The following ATP8B3 variants were observed in gnomAD, a reference collection of about 807,000 sequenced individuals.
ATP8B3 encodes the protein phospholipid-transporting ATPase IK.
A neutral mutation model predicts 140.9 loss-of-function variants in ATP8B3; 141 were observed. The ratio of observed to expected loss-of-function variants is 1.00; its 90% confidence interval spans 0.87 to 1.15. ATP8B3 has a LOEUF of 1.15. Ranked by LOEUF, ATP8B3 falls within the 50% of genes most tolerant of loss-of-function variation. The pLI is 0.00. For synonymous variants in ATP8B3, 765 were observed against 714.6 expected, an observed-to-expected ratio of 1.07 and a Z score of -1.13; for missense variants, 1,874 against 1,740.6, an observed-to-expected ratio of 1.08 and a Z score of -1.36.
intron 21 of ATP8B3, 21 bp from the exon 22 acceptor site, chr19:1,790,010 C>A (rs757297274): frequency 8.9e-7 from 1 of 1,117,950 alleles, no homozygotes; most frequent in Non-Finnish European, 1.4e-6. Flanking sequence ...CAGGGGTCAG[C>A]GGGGCAGGGG....
In ATP8B3 at chr19:1,792,218, C is replaced by T. The variant is rs554480661; in HGVS notation, c.2056-83G>A. On this transcript the variant is annotated intron_variant, in intron 18 of 28. Transcript: ENST00000310127. The stretch of plus-strand genomic sequence containing the variant: ...CCCTCCCCAACCCCCTGCCGGGCTC[C>T]GGAGCCTGGGTCCCCCAACCAAAAG... 27 of 1,433,194 alleles carry T rather than the reference C, an allele frequency of 1.9e-5. No individual in the cohort carries two copies. The East Asian group carries it at 2.0e-4, about 11-fold the overall frequency. 88.8% of individuals were successfully genotyped at this position (1,433,194 alleles called of 1,614,324 possible). A position where few individuals can be genotyped will look rare whatever the true frequency, so the allele number is the denominator to read the frequency against.
chr19:1,791,784 G>A lies in ATP8B3; in HGVS notation c.2268C>T (p.Asn756=). Residue 756 remains asparagine (N), a synonymous_variant, in exon 20 of 29, where the codon AAC becomes AAT. Coordinates refer to ENST00000310127, the MANE Select transcript of ATP8B3 (RefSeq NM_138813.4). ...PETIKCLKKS[N]IKIWVLTGDK... ...CCCCGGTGAGCACCCATATTTTGAT[G>A]TTGCTCTTCTTGAGACATTTGATGG... The A allele has an allele frequency of 6.2e-7, 1 of 1,611,862 alleles. No individual in the cohort carries two copies. Among genetic ancestry groups the A allele is most frequent in the Non-Finnish European group, 8.5e-7 (1 of 1,179,790 alleles).
rs1429451203 is a variant in ATP8B3, at chr19:1,796,846, C to T, written c.1618G>A (p.Gly540Arg). 14 of 1,612,192 alleles carry T rather than the reference C, an allele frequency of 8.7e-6. No homozygotes were observed. The highest frequency in any genetic ancestry group is 3.3e-5 in the Admixed American group (2 of 59,940). Residue 540 changes from glycine (G) to arginine (R), a missense_variant, in exon 16 of 29, where the codon GGG (glycine) becomes AGG (arginine). Gly to Arg is a moderately radical substitution (Grantham distance 125). Around this residue, in one of 3 missense-constraint regions of ATP8B3, gnomAD observed 1,032 missense variants for 963.6 expected, o/e 1.07. Transcript: ENST00000310127. ...NPYLWNKFAD[G>R]KLLFHNAALL... ...GCCGCATTGTGGAAGAGCAGCTTCC[C>T]GTCGGCGAACTTGTTCCAGAGGTAG...
At position 1,785,655 on chromosome 19, in the gene ATP8B3, C is replaced by A; in HGVS notation, c.3207G>T (p.Gln1069His). 1 of 1,613,146 alleles carries A rather than the reference C, an allele frequency of 6.2e-7. No individual in the cohort carries two copies. Among genetic ancestry groups the A allele is most frequent in the South Asian group, 1.1e-5 (1 of 91,042 alleles). ...LEKPELYVVG[Q>H]KDELFNYWVF... Reference sequence around the variant, plus strand: ...CCCAGTAGTTGAAGAGCTCGTCCTTCTGCCCCACCACGTACAGCTCCGGCT... The same window carrying A: ...CCCAGTAGTTGAAGAGCTCGTCCTTATGCCCCACCACGTACAGCTCCGGCT... The change falls in exon 26 of 29, where the codon CAG becomes CAT. Residue 1069 changes from glutamine to histidine, a missense_variant. This residue lies in a region of ATP8B3 where 840 missense variants were observed against 760.9 expected (regional missense o/e 1.10). Coordinates refer to ENST00000310127, the MANE Select transcript of ATP8B3 (RefSeq NM_138813.4).
Position 1,802,647 on chromosome 19 carries a change from T to G in ATP8B3, c.905-2A>C, listed in dbSNP as rs2068892263. 1 of 1,607,644 alleles carries G rather than the reference T, an allele frequency of 6.2e-7. No homozygotes were observed. The highest frequency in any genetic ancestry group is 8.5e-7 in the Non-Finnish European group (1 of 1,177,838). On this transcript the variant is annotated splice_acceptor_variant, in intron 10 of 28. Transcript: ENST00000310127. LOFTEE classifies it high-confidence loss of function. The stretch of plus-strand genomic sequence containing the variant: ...TAGGCGCCTCACACGTCACTGTGCC[T>G]GTGGGTGGCCAGGTGGTCAGTGGGT...
rs201818078 is a variant in ATP8B3, at chr19:1,789,422, C to T, written c.2784G>A (p.Lys928=). Reference sequence around the variant, plus strand: ...TGGCCAGGGTCACCACCTGGTGGTACTTCTTGACCAGGGCCACGATCAGGG... The same window carrying T: ...TGGCCAGGGTCACCACCTGGTGGTATTTCTTGACCAGGGCCACGATCAGGG... ...QKALIVALVK[K]YHQVVTLAIG... Residue 928 remains lysine (K), a synonymous_variant, in exon 23 of 29, where the codon AAG becomes AAA. Transcript: ENST00000310127. 1.2e-3 allele frequency: 1,942 copies of T among 1,598,022 alleles called. 26 individuals carry two copies. In the African/African-American group the frequency reaches 0.023, roughly 19 times the overall value.
chr19:1,796,794 C>A lies in ATP8B3; in HGVS notation c.1670G>T (p.Gly557Val). Reference sequence around the variant, plus strand: ...CCAGAACTCCCGCACGGCCTCGTCCCCGTTGGTCCGCACGAGGTGCAGCAG... The same window carrying A: ...CCAGAACTCCCGCACGGCCTCGTCCACGTTGGTCCGCACGAGGTGCAGCAG... The part of the protein sequence containing the change: ...AALLHLVRTN[G>V]DEAVREFWRL... The change falls in exon 16 of 29, where the codon GGG (glycine) becomes GTG (valine). Residue 557 changes from glycine to valine, a missense_variant. Gly to Val is a moderately radical substitution (Grantham distance 109). Coordinates refer to ENST00000310127, the MANE Select transcript of ATP8B3 (RefSeq NM_138813.4). The A allele has an allele frequency of 6.2e-7, 1 of 1,612,570 alleles. No homozygotes were observed. Among genetic ancestry groups the A allele is most frequent in the South Asian group, 1.1e-5 (1 of 91,070 alleles).
chr19:1,800,469 G>A lies in ATP8B3; in HGVS notation c.1153-20C>T. On this transcript the variant is annotated intron_variant, in intron 12 of 28. Transcript: ENST00000310127. The surrounding 1 kb of genome is among the most constrained non-coding windows in gnomAD (Gnocchi z 4.4). ...GAAGATCTGGAAGGCAGACGCGACA[G>A]GGTGGGTGAGGGGGGCGGGGGTCCC... 6 of 1,593,694 alleles carry A rather than the reference G, an allele frequency of 3.8e-6. No individual in the cohort carries two copies. Among genetic ancestry groups the A allele is most frequent in the Non-Finnish European group, 5.1e-6 (6 of 1,166,002 alleles).
chr19:1,789,789 C>A, intron 22 of ATP8B3, 62 bp from the exon 23 acceptor site: 1 of 1,563,804 alleles, frequency 6.4e-7, no homozygotes. Context: ...TGGACCCTAC[C>A]CGGCCCTCGG....
Position 1,785,686 on chromosome 19 carries a change from A to G in ATP8B3, c.3176T>C (p.Leu1059Pro), listed in dbSNP as rs2068284053. Residue 1059 changes from leucine to proline, a missense_variant, in exon 26 of 29, where the codon CTG becomes CCG. Coordinates refer to ENST00000310127, the MANE Select transcript of ATP8B3 (RefSeq NM_138813.4). The stretch of plus-strand genomic sequence containing the variant: ...CACCACGTACAGCTCCGGCTTCTCC[A>G]GGCTCTGCTCTGCGCTCACGTCCTT... ...FEQDVSAEQS[L>P]EKPELYVVGQ... The G allele has an allele frequency of 6.9e-7, 1 of 1,454,140 alleles. No homozygotes were observed. Among genetic ancestry groups the G allele is most frequent in the South Asian group, 1.1e-5 (1 of 88,704 alleles). The allele number at this position is 1,454,140 out of a possible 1,614,324, so 90.1% of individuals were successfully genotyped here.
intron 18 of ATP8B3, among the ~76,000 whole-genome samples, chr19:1,795,123 C>A (rs905434187): frequency 6.6e-6 from 1 of 151,888 alleles, no homozygotes; most frequent in Non-Finnish European, 1.5e-5. Context: ...GGCGTGGTGG[C>A]GGGCGCCTGT....
rs1432719241 is a variant in ATP8B3 at position 1,806,008 on chromosome 19, G to GGGGGTGCGGCAGCCCTCCCCACCCTGGGA, written c.750+60_751-51dup. On this transcript the variant is annotated intron_variant, in intron 8 of 28. Transcript: ENST00000310127. The surrounding 1 kb of genome is among the most constrained non-coding windows in gnomAD (Gnocchi z 5.6). ...TGCAAGAGGGGATGCAAGACAAATT[G>GGGGGTGCGGCAGCCCTCCCCACCCTGGGA]GGGGTGCGGCAGCCCTCCCCACCCT... 2.6e-5 allele frequency: 42 copies of GGGGGTGCGGCAGCCCTCCCCACCCTGGGA among 1,609,972 alleles called. No homozygotes were observed. Among genetic ancestry groups the GGGGGTGCGGCAGCCCTCCCCACCCTGGGA allele is most frequent in the Admixed American group, 1.0e-4 (6 of 59,848 alleles).
chr19:1,784,317 C>G (rs1600382083), intron 28 of ATP8B3, among the ~76,000 whole-genome samples: 1 of 152,148 alleles, frequency 6.6e-6, no homozygotes, highest in East Asian at 1.9e-4. Context: ...GAGTTTGAAC[C>G]AGCCTGGGCA....
At position 1,807,245 on chromosome 19, in the gene ATP8B3, G is replaced by C; in HGVS notation, c.538C>G (p.Leu180Val). 6.2e-7 allele frequency: 1 copy of C among 1,612,778 alleles called. No individual in the cohort carries two copies. Among genetic ancestry groups the C allele is most frequent in the Non-Finnish European group, 8.5e-7 (1 of 1,179,662 alleles). The change falls in exon 6 of 29, where the codon CTG (leucine) becomes GTG (valine). Residue 180 changes from leucine to valine, a missense_variant. By Grantham distance (32) the Leu-to-Val change is conservative. Coordinates refer to ENST00000310127, the MANE Select transcript of ATP8B3 (RefSeq NM_138813.4). This position sits in a 1 kb window ranked among gnomAD's most constrained non-coding sequence, Gnocchi z 5.9. The part of the protein sequence containing the change: ...ILQSIPDIST[L>V]PWFSLSTPMV... ...GGGGTACTGAGCGAGAACCAGGGCA[G>C]CGTGGAGATGTCGGGAATGCTCTGA...
At position 1,806,812 on chromosome 19, in the gene ATP8B3, C is replaced by T. The variant is rs1006970028; in HGVS notation, c.616-123G>A. 4.9e-5 allele frequency: 53 copies of T among 1,085,366 alleles called. No homozygotes were observed. Among genetic ancestry groups the T allele is most frequent in the East Asian group, 7.8e-5 (3 of 38,512 alleles). 67.2% of individuals were successfully genotyped at this position (1,085,366 alleles called of 1,614,324 possible). On this transcript the variant is annotated intron_variant, in intron 6 of 28. Transcript: ENST00000310127. The surrounding 1 kb of genome is among the most constrained non-coding windows in gnomAD (Gnocchi z 5.6). ...ACGGGGTCCCTGTCCGCTGGCCCCACGCCACGTTGCGTCTGCTCAGGGATC... is the reference window on the plus strand; with the variant it reads ...ACGGGGTCCCTGTCCGCTGGCCCCATGCCACGTTGCGTCTGCTCAGGGATC...
chr19:1,806,340 C>A lies in ATP8B3; in HGVS notation c.678-171G>T. On this transcript the variant is annotated intron_variant, in intron 7 of 28. Transcript: ENST00000310127. This position sits in a 1 kb window ranked among gnomAD's most constrained non-coding sequence, Gnocchi z 5.6. ...TCCCACCCCACTCCCCGCGGGTCCA[C>A]GCTCCCACCCAGTGACCTCCAGGGT... 3 of 1,461,622 alleles carry A rather than the reference C, an allele frequency of 2.1e-6. No individual in the cohort carries two copies. The highest frequency in any genetic ancestry group is 2.7e-6 in the Non-Finnish European group (3 of 1,112,764). 90.5% of individuals were successfully genotyped at this position (1,461,622 alleles called of 1,614,324 possible).
At chr19:1,793,491 C>T (rs2068578248) in intron 18 of ATP8B3, among the ~76,000 whole-genome samples, 1 of 152,190 alleles carries the variant, frequency 6.6e-6, no homozygotes, top group South Asian at 2.1e-4. Flanking sequence ...AGTCCCAGGC[C>T]CCTCCCTCTG....
In ATP8B3 at chr19:1,808,349, C is replaced by A. The variant is rs776388980; in HGVS notation, c.403-14G>T. 1 of 1,600,290 alleles carries A rather than the reference C, an allele frequency of 6.2e-7. No homozygotes were observed. The highest frequency in any genetic ancestry group is 1.1e-5 in the South Asian group (1 of 89,944). On this transcript the variant is annotated splice_polypyrimidine_tract_variant and intron_variant, in intron 4 of 28. Coordinates refer to ENST00000310127, the MANE Select transcript of ATP8B3 (RefSeq NM_138813.4). ...GATGACATTGGTCTGGAACGAGAGC[C>A]GCGGGCTGCCTGGCAGAGGGGTGCC...
Position 1,811,777 on chromosome 19 carries a change from T to C in ATP8B3, c.-41A>G, listed in dbSNP as rs2069196813. ...AAGGGAGGTTCAGGGCGAAGAGGGG[T>C]TTAGGCTGTGGGACGGGGGAGAGGT... On this transcript the variant is annotated 5_prime_UTR_variant, in exon 2 of 29. Transcript: ENST00000310127. The C allele has an allele frequency of 6.5e-7, 1 of 1,537,280 alleles. No homozygotes were observed. Among genetic ancestry groups the C allele is most frequent in the Middle Eastern group, 1.8e-4 (1 of 5,612 alleles).
Sources: gnomAD v4.1 joint callset for allele counts (sites outside exome capture counted in the v4.1 genomes callset) on GRCh38, gnomAD v4.1.1 for gene constraint, gnomAD v4.1.1 regional missense constraint, Gnocchi (gnomAD v3.1) non-coding constraint, MANE v1.5 for transcripts, NCBI Gene and HGNC (gene_info 2026-07-23, HGNC 2026-07-21) for gene names.